SCRG1: variants seen among roughly 807,000 people sequenced by gnomAD.
The protein encoded by SCRG1 is stimulator of chondrogenesis 1.
In SCRG1, 3 loss-of-function variants were observed where a neutral mutation model predicts 7.7. That is an observed-to-expected ratio of 0.39 (90% CI 0.18 to 1.01). SCRG1 has a LOEUF of 1.01. Among genes scored for constraint, SCRG1 ranks in the 50% least tolerant of loss-of-function variants. The pLI is 0.36. For missense variants in SCRG1, 110 were observed against 117.2 expected (o/e 0.94, Z 0.28); for synonymous variants, 46 against 41.2 (o/e 1.12, Z -0.44).
Position 173,391,286 on chromosome 4 carries a change from T to C in SCRG1, c.129A>G (p.Glu43=). 6.2e-7 allele frequency: 1 copy of C among 1,614,192 alleles called. No individual in the cohort carries two copies. The highest frequency in any genetic ancestry group is 8.5e-7 in the Non-Finnish European group (1 of 1,180,032). ...CAATCTGTGTCAGGTCAGCTACTCC[T>C]TCCGGAAGGTTGTGACAGTTGTGAT... ...LKDHNCHNLP[E]GVADLTQIDV... The change falls in exon 2 of 3, where the codon GAA becomes GAG. Residue 43 remains glutamate, a synonymous_variant. Transcript: ENST00000296506.
chr4:173,420,122 T>C, the SCRG1 span: 538,619 of 550,292 alleles, frequency 0.98, 264,413 homozygotes, highest in East Asian at 1. Context: ...TTCTTAACAA[T>C]TTTAACAAAC....
chr4:173,497,258 T>C, the SCRG1 span, among the ~76,000 whole-genome samples: 1 of 152,216 alleles, frequency 6.6e-6, no homozygotes, highest in Non-Finnish European at 1.5e-5. Flanking sequence ...CTTGCTCTAT[T>C]CCTCTCTAGG....
chr4:173,463,905 A>G, the SCRG1 span, among the ~76,000 whole-genome samples: 1 of 152,100 alleles, frequency 6.6e-6, no homozygotes, highest in African/African-American at 2.4e-5. Context: ...AAGCAAAGGA[A>G]CTGAGCTGGT....
chr4:173,449,260 A>C, the SCRG1 span, among the ~76,000 whole-genome samples: 1 of 152,200 alleles, frequency 6.6e-6, no homozygotes, highest in Non-Finnish European at 1.5e-5. Context: ...TCTGGCATTC[A>C]CAGTAGTGAA....
the SCRG1 span, among the ~76,000 whole-genome samples, chr4:173,479,443 G>GTTT: frequency 1.5e-5 from 2 of 135,248 alleles, no homozygotes; most frequent in Non-Finnish European, 3.1e-5. Context: ...TTGTTTTTTT[G>GTTT]TTTTTTTTTT....
At chr4:173,485,079 T>A in the SCRG1 span, among the ~76,000 whole-genome samples, 1 of 10,382 alleles carries the variant, frequency 9.6e-5, no homozygotes, top group Non-Finnish European at 2.3e-4. Context: ...TTATATATTA[T>A]ATAATATATT....
chr4:173,494,351 A>G, the SCRG1 span, among the ~76,000 whole-genome samples: 8 of 152,164 alleles, frequency 5.3e-5, no homozygotes, highest in African/African-American at 1.7e-4. Context: ...CCTTTCCCCA[A>G]GCTCCATGTG....
chr4:173,426,610 G>T, the SCRG1 span, among the ~76,000 whole-genome samples: 1 of 152,142 alleles, frequency 6.6e-6, no homozygotes, highest in Non-Finnish European at 1.5e-5. Context: ...GTACATGTGT[G>T]CTCCTCCACA....
the SCRG1 span, among the ~76,000 whole-genome samples, chr4:173,426,927 G>C: frequency 2.0e-5 from 3 of 152,218 alleles, no homozygotes; most frequent in Middle Eastern, 3.2e-3. Flanking sequence ...AAATGCAAAA[G>C]AGAAATGCAT....
In SCRG1 at chr4:173,390,042, T is replaced by TTTTG. The variant is rs1157655863; in HGVS notation, c.242+1127_242+1130dup. 3.2e-5 allele frequency: 8 copies of TTTTG among 247,362 alleles called. No individual in the cohort carries two copies. In the Admixed American group the frequency reaches 3.6e-4, roughly 11 times the overall value. 15.3% of individuals were successfully genotyped at this position (247,362 alleles called of 1,614,324 possible). A position where few individuals can be genotyped will look rare whatever the true frequency, so the allele number is the denominator to read the frequency against. ...TTATCTACCATCATTTTATACCTTTTTTTGTTTGTTTGTTTTTTTGAGATT... is the reference window on the plus strand; with the variant it reads ...TTATCTACCATCATTTTATACCTTTTTTTGTTTGTTTGTTTGTTTTTTTGAGATT... On this transcript the variant is annotated intron_variant, in intron 2 of 2. Transcript: ENST00000296506.
the SCRG1 span, among the ~76,000 whole-genome samples, chr4:173,490,462 C>A: frequency 1.3e-5 from 2 of 152,148 alleles, no homozygotes; most frequent in Non-Finnish European, 2.9e-5. Flanking sequence ...CAGCTCAGCA[C>A]TGGAAGCCAC....
Position 173,388,366 on chromosome 4 carries a change from A to C in SCRG1, c.272T>G (p.Phe91Cys). The part of the protein sequence containing the change: ...KDVFFGPKIS[F>C]VIPCNNQ ...TCATTGATTGTTGCAAGGAATCACG[A>C]AAGAGATCTTTGGTCCAAAGAAAAC... is the stretch of plus-strand genomic sequence containing the variant. The change falls in exon 3 of 3, where the codon TTC becomes TGC. Residue 91 changes from phenylalanine (F) to cysteine (C), a missense_variant. Phe to Cys is a radical substitution (Grantham distance 205, BLOSUM62 -2). Transcript: ENST00000296506. 1 of 1,612,542 alleles carries C rather than the reference A, an allele frequency of 6.2e-7. No individual in the cohort carries two copies. Among genetic ancestry groups the C allele is most frequent in the African/African-American group, 1.3e-5 (1 of 75,024 alleles).
chr4:173,445,284 A>G, the SCRG1 span, among the ~76,000 whole-genome samples: 1 of 152,226 alleles, frequency 6.6e-6, no homozygotes, highest in South Asian at 2.1e-4. Flanking sequence ...CAGAAAATAT[A>G]GAAAATACTC....
chr4:173,419,931 C>T, the SCRG1 span: 4 of 760,760 alleles, frequency 5.3e-6, no homozygotes, highest in East Asian at 2.5e-5. Context: ...TTTGTGCAGA[C>T]TATCATAGCC....
chr4:173,402,589 G>A (rs1465668875), upstream of SCRG1, among the ~76,000 whole-genome samples: 1 of 152,130 alleles, frequency 6.6e-6, no homozygotes, highest in Non-Finnish European at 1.5e-5. Flanking sequence ...TTAAGCTTGT[G>A]AGAGAAAAAA....
chr4:173,457,214 C>G, the SCRG1 span, among the ~76,000 whole-genome samples: 1 of 152,106 alleles, frequency 6.6e-6, no homozygotes, highest in East Asian at 1.9e-4. Context: ...CCACAAAGCA[C>G]GGTCATGCCC....
At chr4:173,399,836 A>G (rs1470407284), upstream of SCRG1, among the ~76,000 whole-genome samples, 1 of 152,212 alleles carries the variant, frequency 6.6e-6, no homozygotes, top group Non-Finnish European at 1.5e-5. Context: ...TTTGGGAATT[A>G]GAGATATTAT....
the SCRG1 span, among the ~76,000 whole-genome samples, chr4:173,516,653 AC>A: frequency 6.6e-6 from 1 of 152,200 alleles, no homozygotes; most frequent in African/African-American, 2.4e-5. Context: ...AAAACAACCA[AC>A]CCCGTCTACT....
upstream of SCRG1, among the ~76,000 whole-genome samples, chr4:173,402,161 C>T (rs1739779367): frequency 6.6e-6 from 1 of 152,166 alleles, no homozygotes; most frequent in African/African-American, 2.4e-5. Flanking sequence ...TGACATAGAG[C>T]TTCTATTTTA....
Sources: gnomAD v4.1 joint callset for allele counts (sites outside exome capture counted in the v4.1 genomes callset) on GRCh38, gnomAD v4.1.1 for gene constraint, MANE v1.5 for transcripts, NCBI Gene and HGNC (gene_info 2026-07-23, HGNC 2026-07-21) for gene names.